Variants in PUM2 observed in about 807,000 individuals in gnomAD.
PUM2 encodes the protein pumilio homolog 2.
Under a neutral mutation model 124.5 loss-of-function variants are expected in PUM2, and 57 were observed. The observed-to-expected ratio is 0.46, with a 90% confidence interval of 0.37 to 0.57. PUM2 has a LOEUF of 0.57. PUM2 is among the 20% of genes least tolerant of loss of function. The probability of loss-of-function intolerance (pLI) is 0.00; values close to 1 mark genes in which losing one functional copy is unlikely to be tolerated. For synonymous variants in PUM2, 460 were observed against 446.1 expected, an observed-to-expected ratio of 1.03 and a Z score of -0.39; for missense variants, 1,065 against 1,290.6, an observed-to-expected ratio of 0.83 and a Z score of 2.68.
intron 2 of PUM2, among the ~76,000 whole-genome samples, chr2:20,325,811 C>T (rs1196182241): frequency 2.0e-5 from 3 of 152,016 alleles, no homozygotes; most frequent in East Asian, 1.9e-4. Context: ...TTAGTAGAGA[C>T]GGGGTTTCAC....
At chr2:20,349,791 C>T (rs4427977) in intron 1 of PUM2, among the ~76,000 whole-genome samples, 4,824 of 152,294 alleles carry the variant, frequency 0.032, 252 homozygotes, top group African/African-American at 0.11. Flanking sequence ...AGTACTAAGT[C>T]CTAACATGAT....
chr2:20,290,685 C>A lies in PUM2; in HGVS notation c.1258G>T (p.Ala420Ser). 3 of 1,612,860 alleles carry A rather than the reference C, an allele frequency of 1.9e-6. No individual in the cohort carries two copies. The highest frequency in any genetic ancestry group is 2.5e-6 in the Non-Finnish European group (3 of 1,179,692). The change falls in exon 10 of 21, where the codon GCT becomes TCT. Residue 420 changes from alanine to serine, a missense_variant. By Grantham distance (99) the Ala-to-Ser change is moderately conservative. Around this residue, in one of 3 missense-constraint regions of PUM2, gnomAD observed 968 missense variants for 1,159.8 expected, o/e 0.83. Transcript: ENST00000361078. Reference protein sequence around the residue: ...AAAAAANPTLAFGQGLATGMP... With the variant: ...AAAAAANPTLSFGQGLATGMP... ...CCAGTAGCAAGACCCTGACCAAAAG[C>A]CAATGTTGGATTTGCTGCTGCAGCT...
At chr2:20,320,168 A>C (rs1681956867) in intron 2 of PUM2, among the ~76,000 whole-genome samples, 1 of 152,204 alleles carries the variant, frequency 6.6e-6, no homozygotes, top group South Asian at 2.1e-4. Context: ...TGGGAGGCTG[A>C]GGCAGAGAAA....
chr2:20,288,767 T>C (rs1227089128), intron 10 of PUM2, among the ~76,000 whole-genome samples: 1 of 152,216 alleles, frequency 6.6e-6, no homozygotes, highest in African/African-American at 2.4e-5. Context: ...ACTATGTAAC[T>C]ATTTGGATAT....
chr2:20,253,742 G>A (rs570298748), intron 20 of PUM2, 80 bp downstream of exon 20: 4 of 1,278,994 alleles, frequency 3.1e-6, no homozygotes, highest in African/African-American at 1.5e-5. Flanking sequence ...CATACGGGAG[G>A]AAATGAAAGC....
intron 10 of PUM2, among the ~76,000 whole-genome samples, chr2:20,284,623 T>C (rs1672313055): frequency 6.6e-6 from 1 of 152,190 alleles, no homozygotes; most frequent in Admixed American, 6.5e-5. Flanking sequence ...CCCAACTGTG[T>C]CTGGTCCTTT....
rs1331912180 is a variant in PUM2 at position 20,350,799 on chromosome 2, C to T, written c.-221G>A. On this transcript the variant is annotated 5_prime_UTR_variant, in exon 1 of 21. It adds an upstream start codon to the 5' untranslated region. Coordinates refer to ENST00000361078, the MANE Select transcript of PUM2 (RefSeq NM_015317.5). ...CCACCGAAGTACCGAGGGTGAGACACAGAGACTCACAACAACATGGCTGCC... is the reference window on the plus strand; with the variant it reads ...CCACCGAAGTACCGAGGGTGAGACATAGAGACTCACAACAACATGGCTGCC... 2.0e-6 allele frequency: 2 copies of T among 980,416 alleles called. No homozygotes were observed. The highest frequency in any genetic ancestry group is 1.8e-5 in the African/African-American group (1 of 56,280). 60.7% of individuals were successfully genotyped at this position (980,416 alleles called of 1,614,324 possible). A position where few individuals can be genotyped will look rare whatever the true frequency, so the allele number is the denominator to read the frequency against.
intron 13 of PUM2, among the ~76,000 whole-genome samples, chr2:20,267,178 A>G (rs185113058): frequency 4.0e-4 from 59 of 146,404 alleles, no homozygotes; most frequent in African/African-American, 1.5e-3. Flanking sequence ...GCGTACCACC[A>G]TGCCCGGCTA....
chr2:20,258,454 T>C, intron 15 of PUM2, 83 bp from the exon 16 acceptor site: 2 of 1,423,212 alleles, frequency 1.4e-6, no homozygotes, highest in Admixed American at 1.9e-5. Flanking sequence ...TTGCAGTCTA[T>C]TCATTCTATC....
At chr2:20,295,432 AT>A (rs1675280862) in intron 8 of PUM2, among the ~76,000 whole-genome samples, 1 of 152,188 alleles carries the variant, frequency 6.6e-6, no homozygotes. Context: ...AGCCCAGTAT[AT>A]TTGACTGAAT....
At chr2:20,349,679 C>A (rs2149197843) in intron 1 of PUM2, among the ~76,000 whole-genome samples, 1 of 152,282 alleles carries the variant, frequency 6.6e-6, no homozygotes, top group Middle Eastern at 3.4e-3. Flanking sequence ...CATACAGTAC[C>A]TTTACAGGTA....
chr2:20,276,608 T>C (rs992184337), intron 13 of PUM2, among the ~76,000 whole-genome samples: 1 of 152,126 alleles, frequency 6.6e-6, no homozygotes, highest in African/African-American at 2.4e-5. Context: ...AGAAATATTT[T>C]TCTTTTTTTT....
chr2:20,329,007 CAAG>C (rs2148885219), intron 1 of PUM2, among the ~76,000 whole-genome samples: 1 of 151,908 alleles, frequency 6.6e-6, no homozygotes, highest in East Asian at 1.9e-4. Flanking sequence ...TCGATTTTTA[CAAG>C]AAATTTAAAA....
At chr2:20,273,547 G>A (rs566699893) in intron 13 of PUM2, among the ~76,000 whole-genome samples, 1 of 152,276 alleles carries the variant, frequency 6.6e-6, no homozygotes, top group Middle Eastern at 3.4e-3. Flanking sequence ...GTACAACCAA[G>A]ATCAAGACAT....
intron 1 of PUM2, among the ~76,000 whole-genome samples, chr2:20,338,865 C>G (rs1007631776): frequency 1.3e-5 from 2 of 152,084 alleles, no homozygotes; most frequent in Non-Finnish European, 2.9e-5. Context: ...TAATAGTGGT[C>G]GCACCTAGAA....
At chr2:20,271,146 A>C (rs1285248612) in intron 13 of PUM2, among the ~76,000 whole-genome samples, 2 of 152,152 alleles carry the variant, frequency 1.3e-5, no homozygotes, top group African/African-American at 4.8e-5. Flanking sequence ...TATTGAACAC[A>C]GATATTCAAT....
At chr2:20,306,604 CTTT>C (rs752275959) in intron 7 of PUM2, among the ~76,000 whole-genome samples, 7 of 126,448 alleles carry the variant, frequency 5.5e-5, no homozygotes, top group African/African-American at 2.1e-4. Context: ...TAAATGTGGA[CTTT>C]TTTTTTTTTT....
chr2:20,297,489 C>T, intron 8 of PUM2, 64 bp downstream of exon 8: 3 of 1,357,018 alleles, frequency 2.2e-6, no homozygotes, highest in Non-Finnish European at 2.9e-6. Flanking sequence ...AAAAATAAAG[C>T]TTACACCCAA....
chr2:20,324,862 TAAGAC>T (rs1243688624), intron 2 of PUM2, among the ~76,000 whole-genome samples: 1 of 151,344 alleles, frequency 6.6e-6, no homozygotes, highest in Non-Finnish European at 1.5e-5. Flanking sequence ...TTACAACACT[TAAGAC>T]AACAGTAAGC....
Sources: allele counts gnomAD v4.1 joint callset (sites outside exome capture counted in the v4.1 genomes callset), GRCh38; gene constraint gnomAD v4.1.1; regional missense constraint gnomAD v4.1.1; transcripts MANE v1.5; gene names NCBI Gene and HGNC (gene_info 2026-07-23, HGNC 2026-07-21).